C1orf185: variants seen among roughly 807,000 people sequenced by gnomAD.
C1orf185 encodes chromosome 1 open reading frame 185.
In C1orf185, 13 loss-of-function variants were observed where a neutral mutation model predicts 16.1. The ratio of observed to expected loss-of-function variants is 0.81; its 90% CI spans 0.53 to 1.28. The LOEUF is 1.28. Ranked by LOEUF, C1orf185 falls within the 50% of genes most tolerant of loss-of-function variation. The pLI, the probability that C1orf185 is intolerant of heterozygous loss-of-function variation, is 0.00. For synonymous variants in C1orf185, 80 were observed against 76.9 expected (o/e 1.04, Z -0.21); for missense variants, 220 against 225.2 (o/e 0.98, Z 0.15).
At position 51,112,128 on chromosome 1, in the gene C1orf185, G is replaced by C. The variant is rs116538803; in HGVS notation, c.17-336G>C. On this transcript the variant is annotated intron_variant, in intron 1 of 4. Transcript: ENST00000371759. The stretch of plus-strand genomic sequence containing the variant: ...GTTGGAGGCCTGCCAGGAATGATAC[G>C]GGAGGGGAAAAAAAAAAAAGCTAGA... Among the ~76,000 whole-genome samples, 1,039 of 151,626 alleles carry C rather than the reference G, an allele frequency of 6.9e-3. 14 individuals are homozygous for C. The highest frequency in any genetic ancestry group is 0.024 in the African/African-American group (996 of 41,350).
At chr1:51,149,195 A>G (rs1263766821), downstream of C1orf185, among the ~76,000 whole-genome samples, 2 of 152,130 alleles carry the variant, frequency 1.3e-5, no homozygotes, top group Non-Finnish European at 2.9e-5. Flanking sequence ...TTGGGAAAAA[A>G]CGACTCATTA....
chr1:51,146,744 A>G (rs1171696980), intron 4 of C1orf185, among the ~76,000 whole-genome samples: 1 of 152,078 alleles, frequency 6.6e-6, no homozygotes, highest in Non-Finnish European at 1.5e-5. Flanking sequence ...AGTGGTGCTA[A>G]TAGTAACTAC....
At chr1:51,119,367 AACT>A (rs1474660912) in intron 3 of C1orf185, among the ~76,000 whole-genome samples, 1 of 152,252 alleles carries the variant, frequency 6.6e-6, no homozygotes, top group African/African-American at 2.4e-5. Flanking sequence ...CAGAGACTAA[AACT>A]ACAATAGCTA....
At chr1:51,140,996 C>G (rs12077981) in intron 3 of C1orf185, among the ~76,000 whole-genome samples, 1,926 of 152,198 alleles carry the variant, frequency 0.013, 41 homozygotes, top group African/African-American at 0.045. Context: ...TATTTCTGAG[C>G]TCAGACTTTT....
intron 4 of C1orf185, among the ~76,000 whole-genome samples, chr1:51,146,006 T>C (rs1055262747): frequency 1.3e-5 from 2 of 152,196 alleles, no homozygotes; most frequent in Non-Finnish European, 1.5e-5. Flanking sequence ...CTCAAAGGTA[T>C]CATAGTCAAT....
At chr1:51,111,851 G>T (rs1016319225) in intron 1 of C1orf185, among the ~76,000 whole-genome samples, 2 of 152,044 alleles carry the variant, frequency 1.3e-5, no homozygotes, top group Non-Finnish European at 2.9e-5. Flanking sequence ...TTTTTGTAGA[G>T]ATGGTATTTC....
At chr1:51,138,541 C>T (rs755775439) in intron 3 of C1orf185, among the ~76,000 whole-genome samples, 26 of 151,952 alleles carry the variant, frequency 1.7e-4, no homozygotes, top group Non-Finnish European at 2.6e-4. Context: ...TACAGGCGCC[C>T]GTCACCATGC....
downstream of C1orf185, among the ~76,000 whole-genome samples, chr1:51,151,515 A>G (rs1488418212): frequency 3.9e-5 from 6 of 152,146 alleles, no homozygotes; most frequent in Non-Finnish European, 1.5e-5. Context: ...GTGAATAACT[A>G]GAGAAACCAG....
intron 1 of C1orf185, 106 bp from the exon 2 acceptor site, chr1:51,112,358 T>C: frequency 1.2e-6 from 1 of 855,404 alleles, no homozygotes; most frequent in Non-Finnish European, 1.7e-6. Context: ...TCCTGGTTAA[T>C]GTCTTAACAC....
At position 51,118,855 on chromosome 1, in the gene C1orf185, G is replaced by A. The variant is rs1188004290; in HGVS notation, c.258+54G>A. 10 of 1,224,264 alleles carry A rather than the reference G, an allele frequency of 8.2e-6. No individual in the cohort carries two copies. In the South Asian group the frequency reaches 1.7e-4, roughly 21 times the overall value. 75.8% of individuals were successfully genotyped at this position (1,224,264 alleles called of 1,614,324 possible). A position where few individuals can be genotyped will look rare whatever the true frequency, so the allele number is the denominator to read the frequency against. ...TTCAAATAATTTCTTTTGATACCAT[G>A]TTATTAGCATTGCTGTCTTAAAATC... On this transcript the variant is annotated intron_variant, in intron 3 of 4. Transcript: ENST00000371759.
intron 2 of C1orf185, among the ~76,000 whole-genome samples, chr1:51,114,312 C>T (rs1344592702): frequency 2.0e-5 from 3 of 152,144 alleles, no homozygotes; most frequent in Admixed American, 6.5e-5. Flanking sequence ...GGAATAGCAC[C>T]GTCATCGTAA....
chr1:51,132,408 T>C (rs1253568979), intron 3 of C1orf185, among the ~76,000 whole-genome samples: 1 of 152,096 alleles, frequency 6.6e-6, no homozygotes, highest in Non-Finnish European at 1.5e-5. Flanking sequence ...ACAAACCTGA[T>C]AGAGCTGAAA....
intron 2 of C1orf185, among the ~76,000 whole-genome samples, chr1:51,114,624 G>A (rs1040790012): frequency 1.3e-5 from 2 of 152,182 alleles, no homozygotes; most frequent in Non-Finnish European, 2.9e-5. Context: ...CTGGGAGGCT[G>A]AGACACGAGA....
intron 3 of C1orf185, among the ~76,000 whole-genome samples, chr1:51,130,891 T>C (rs1557649855): frequency 6.6e-6 from 1 of 152,178 alleles, no homozygotes; most frequent in Non-Finnish European, 1.5e-5. Context: ...GTTTGGTCCA[T>C]TTTTAGTTAA....
chr1:51,133,610 G>A (rs1305223704), intron 3 of C1orf185, among the ~76,000 whole-genome samples: 1 of 152,198 alleles, frequency 6.6e-6, no homozygotes, highest in African/African-American at 2.4e-5. Context: ...AGTAGTGGGA[G>A]AGTTTTACAC....
intron 3 of C1orf185, among the ~76,000 whole-genome samples, chr1:51,137,098 G>T (rs1412145896): frequency 6.6e-6 from 1 of 151,998 alleles, no homozygotes; most frequent in East Asian, 1.9e-4. Context: ...GTGAGGAAAG[G>T]ACATGAACAG....
At chr1:51,135,396 G>A (rs185912806) in intron 3 of C1orf185, among the ~76,000 whole-genome samples, 14 of 152,094 alleles carry the variant, frequency 9.2e-5, no homozygotes, top group Middle Eastern at 3.4e-3. Flanking sequence ...AAAATTAGCC[G>A]GGCGTGGTGG....
chr1:51,103,897 G>C (rs1404616525), intron 1 of C1orf185, among the ~76,000 whole-genome samples: 1 of 152,128 alleles, frequency 6.6e-6, no homozygotes, highest in African/African-American at 2.4e-5. Flanking sequence ...CTGTGAGATA[G>C]TATGATTCTC....
Position 51,112,520 on chromosome 1 carries a change from G to T in C1orf185, c.73G>T (p.Gly25Cys). 6.5e-7 allele frequency: 1 copy of T among 1,550,072 alleles called. No homozygotes were observed. The highest frequency in any genetic ancestry group is 1.2e-5 in the South Asian group (1 of 83,806). ...LAAGAVTLGI[G>C]FFALASALWF... ...TGCTGGTGCTGTCACTTTGGGAATT[G>T]GTTTCTTTGCTTTGGCATCAGCTTT... Residue 25 changes from glycine (G) to cysteine (C), a missense_variant, in exon 2 of 5, where the codon GGT (glycine) becomes TGT (cysteine). Physicochemically the swap from Gly to Cys is radical, Grantham distance 159. Coordinates refer to ENST00000371759, the MANE Select transcript of C1orf185 (RefSeq NM_001136508.2).
Sources: gnomAD v4.1 joint callset for allele counts (sites outside exome capture counted in the v4.1 genomes callset) on GRCh38, gnomAD v4.1.1 for gene constraint, MANE v1.5 for transcripts, NCBI Gene and HGNC (gene_info 2026-07-23, HGNC 2026-07-21) for gene names.